PTPRM: variants seen among roughly 807,000 people sequenced by gnomAD.
PTPRM encodes the protein receptor-type tyrosine-protein phosphatase mu.
A neutral mutation model predicts 186.7 loss-of-function variants in PTPRM; 47 were observed. That is an observed-to-expected ratio of 0.25 (90% confidence interval 0.20 to 0.32). The LOEUF (loss-of-function observed/expected upper bound fraction) is 0.32, where lower values mean the gene tolerates loss of function less well. PTPRM is among the 10% of genes least tolerant of loss of function. The pLI, the probability that PTPRM is intolerant of heterozygous loss-of-function variation, is 1.00. For synonymous variants in PTPRM, 668 were observed against 674.9 expected, an observed-to-expected ratio of 0.99 and a Z score of 0.16; for missense variants, 1,494 against 1,865.0, an observed-to-expected ratio of 0.80 and a Z score of 3.66.
intron 7 of PTPRM, among the ~76,000 whole-genome samples, chr18:7,987,147 T>G (rs1007988028): frequency 6.6e-6 from 1 of 152,180 alleles, no homozygotes; most frequent in Non-Finnish European, 1.5e-5. Flanking sequence ...ACACAGCGCT[T>G]TTGAGCTGTA....
intron 6 of PTPRM, among the ~76,000 whole-genome samples, chr18:7,953,912 T>G (rs1455572527): frequency 1.3e-5 from 2 of 152,158 alleles, no homozygotes. Context: ...TTCCGTGCAT[T>G]TGTATGAGCA....
intron 1 of PTPRM, among the ~76,000 whole-genome samples, chr18:7,584,344 A>G (rs954740925): frequency 6.6e-6 from 1 of 152,182 alleles, no homozygotes; most frequent in African/African-American, 2.4e-5. Flanking sequence ...TAGAGATAAA[A>G]TGAGGTGTTT....
intron 1 of PTPRM, among the ~76,000 whole-genome samples, chr18:7,590,297 C>T (rs9953865): frequency 0.024 from 3,652 of 152,118 alleles, 153 homozygotes; most frequent in African/African-American, 0.083. Flanking sequence ...AAGCTTTGAA[C>T]GGGACTGAAG....
At chr18:8,011,792 T>A (rs970143568) in intron 7 of PTPRM, among the ~76,000 whole-genome samples, 2 of 152,226 alleles carry the variant, frequency 1.3e-5, no homozygotes, top group African/African-American at 4.8e-5. Context: ...GTATCATGTT[T>A]ATAACACAGC....
rs912657949 is a variant in PTPRM at position 8,296,286 on chromosome 18, G to A, written c.2755-82G>A. On this transcript the variant is annotated intron_variant, in intron 19 of 32. Coordinates refer to ENST00000580170, the MANE Select transcript of PTPRM (RefSeq NM_001105244.2). ...CTTTCCTTCTTGACCCTTGTTCTACGTTTTTTAAGAACATCCTCCATCGTT... is the reference window on the plus strand; with the variant it reads ...CTTTCCTTCTTGACCCTTGTTCTACATTTTTTAAGAACATCCTCCATCGTT... The A allele has an allele frequency of 2.2e-5, 19 of 866,958 alleles. No individual in the cohort carries two copies. In the African/African-American group the frequency reaches 2.5e-4, roughly 11 times the overall value. The allele number at this position is 866,958 out of a possible 1,614,324, so 53.7% of individuals were successfully genotyped here.
chr18:8,146,501 G>GGT (rs1555771281), intron 14 of PTPRM, among the ~76,000 whole-genome samples: 16 of 149,194 alleles, frequency 1.1e-4, no homozygotes, highest in East Asian at 9.8e-4. Flanking sequence ...TAATGGGATT[G>GGT]TTTTTTTTTT....
chr18:7,742,882 A>G (rs1402469720), intron 1 of PTPRM, among the ~76,000 whole-genome samples: 1 of 152,194 alleles, frequency 6.6e-6, no homozygotes, highest in Non-Finnish European at 1.5e-5. Flanking sequence ...TGAAAGTAAA[A>G]ATTTAATTTA....
rs1365364776 is a variant in PTPRM, at chr18:7,842,928, G to GTA, written c.197-45177_197-45176insAT. ...TTCTCATATGTGTGTGTGTGTGTGT[G>GTA]TGTATATATATATATATATAGAGAG... On this transcript the variant is annotated intron_variant, in intron 2 of 32. Transcript: ENST00000580170. 1.2e-3 allele frequency among the ~76,000 whole-genome samples: 75 copies of GTA among 62,696 alleles called. 2 individuals are homozygous for GTA. The highest frequency in any genetic ancestry group is 3.2e-3 in the African/African-American group (44 of 13,892). 41.1% of individuals were successfully genotyped at this position (62,696 alleles called of 152,430 possible). A position where few individuals can be genotyped will look rare whatever the true frequency, so the allele number is the denominator to read the frequency against.
rs1441567727 is a variant in PTPRM at position 7,961,708 on chromosome 18, G to A, written c.1132+6294G>A. ...CCACAGCTAGCCTGCTGCTTGCTGG[G>A]AATAGGAGTGATGTATTAGAAGTCT... On this transcript the variant is annotated intron_variant, in intron 7 of 32. Coordinates refer to ENST00000580170, the MANE Select transcript of PTPRM (RefSeq NM_001105244.2). 2.6e-5 allele frequency among the ~76,000 whole-genome samples: 4 copies of A among 152,316 alleles called. No individual in the cohort carries two copies. The East Asian group carries it at 7.7e-4, about 29-fold the overall frequency.
intron 7 of PTPRM, among the ~76,000 whole-genome samples, chr18:8,028,801 G>C (rs139875318): frequency 6.6e-6 from 1 of 152,192 alleles, no homozygotes; most frequent in Non-Finnish European, 1.5e-5. Flanking sequence ...AAGAGAGCAC[G>C]ACGAGGAAGA....
At chr18:8,297,753 A>G (rs1413718170) in intron 20 of PTPRM, among the ~76,000 whole-genome samples, 1 of 152,222 alleles carries the variant, frequency 6.6e-6, no homozygotes, top group East Asian at 1.9e-4. Flanking sequence ...ATATGACACA[A>G]AACGTCCCAG....
At chr18:8,302,686 G>A (rs1191617110) in intron 20 of PTPRM, among the ~76,000 whole-genome samples, 2 of 152,052 alleles carry the variant, frequency 1.3e-5, no homozygotes, top group Admixed American at 1.3e-4. Flanking sequence ...GGGAGACAGG[G>A]TGAGGAAGAC....
At chr18:8,327,107 A>T (rs1430268078) in intron 22 of PTPRM, among the ~76,000 whole-genome samples, 1 of 152,222 alleles carries the variant, frequency 6.6e-6, no homozygotes, top group Admixed American at 6.5e-5. Context: ...AACTGTGCAT[A>T]GTTAAGAAGC....
chr18:8,388,248 A>G (rs1476229464), intron 31 of PTPRM, among the ~76,000 whole-genome samples: 1 of 152,238 alleles, frequency 6.6e-6, no homozygotes, highest in East Asian at 1.9e-4. Context: ...TTTAAAGGAT[A>G]AGCGAATGTC....
rs374765266 is a variant in PTPRM at position 7,885,112 on chromosome 18, A to G, written c.197-2994A>G. Among the ~76,000 whole-genome samples, 21 of 151,960 alleles carry G rather than the reference A, an allele frequency of 1.4e-4. No individual in the cohort carries two copies. In the East Asian group the frequency reaches 3.9e-3, roughly 28 times the overall value. On this transcript the variant is annotated intron_variant, in intron 2 of 32. Coordinates refer to ENST00000580170, the MANE Select transcript of PTPRM (RefSeq NM_001105244.2). The stretch of plus-strand genomic sequence containing the variant: ...ACTCTGGCACAGACCCCATGAGACC[A>G]TCCTTGGCCCTGAACCCCAGACCCT...
intron 5 of PTPRM, among the ~76,000 whole-genome samples, chr18:7,939,376 C>T (rs979202266): frequency 3.3e-5 from 5 of 152,192 alleles, no homozygotes; most frequent in African/African-American, 1.2e-4. Context: ...CAATTTCTTT[C>T]AATCATTGCT....
chr18:8,270,617 A>G (rs1342532930), intron 19 of PTPRM, among the ~76,000 whole-genome samples: 4 of 152,200 alleles, frequency 2.6e-5, no homozygotes, highest in South Asian at 2.1e-4. Context: ...ATGTTTATCA[A>G]TAGATGAATG....
chr18:7,887,998 G>A (rs762794849), intron 2 of PTPRM, 108 bp from the exon 3 acceptor site: 1 of 1,313,338 alleles, frequency 7.6e-7, no homozygotes, highest in Non-Finnish European at 1.1e-6. Context: ...TTAAGCCTAA[G>A]TAAGACATGG....
chr18:8,040,682 C>G (rs1296715680), intron 7 of PTPRM, among the ~76,000 whole-genome samples: 1 of 152,148 alleles, frequency 6.6e-6, no homozygotes, highest in Non-Finnish European at 1.5e-5. Context: ...AAACAGTAAA[C>G]ATATAATTGT....
Sources: allele counts gnomAD v4.1 joint callset (sites outside exome capture counted in the v4.1 genomes callset), GRCh38; gene constraint gnomAD v4.1.1; transcripts MANE v1.5; gene names NCBI Gene and HGNC (gene_info 2026-07-23, HGNC 2026-07-21).